Variants in POLR1C observed in about 807,000 individuals in gnomAD.
POLR1C encodes RNA polymerase I and III subunit C.
POLR1C carries 42 observed loss-of-function variants against 38.3 expected under a neutral mutation model. That is an observed-to-expected ratio of 1.10 (90% CI 0.86 to 1.42). POLR1C has a LOEUF of 1.42. POLR1C is among the 40% of genes most tolerant of loss of function. The pLI is 0.00. For synonymous variants in POLR1C, 163 were observed against 163.9 expected (o/e 0.99, Z 0.04); for missense variants, 507 against 450.5 (o/e 1.13, Z -1.14).
intron 10 of POLR1C, among the ~76,000 whole-genome samples, chr6:43,552,082 T>C (rs767559854): frequency 6.6e-6 from 1 of 152,204 alleles, no homozygotes; most frequent in Non-Finnish European, 1.5e-5. Flanking sequence ...TCAGCTACTT[T>C]ATTTATATAT....
chr6:43,555,681 C>T, intron 10 of POLR1C: 1 of 806,728 alleles, frequency 1.2e-6, no homozygotes, highest in Non-Finnish European at 1.8e-6. Flanking sequence ...TTTGTGTCAG[C>T]CAATGAAAAC....
intron 9 of POLR1C, chr6:43,544,144 C>T (rs908396501): frequency 1.5e-4 from 23 of 153,796 alleles, no homozygotes; most frequent in African/African-American, 5.0e-4. Flanking sequence ...TGATAACCAT[C>T]TGAAGACTAA....
intron 9 of POLR1C, among the ~76,000 whole-genome samples, chr6:43,535,338 C>T (rs1422669934): frequency 6.6e-6 from 1 of 151,930 alleles, no homozygotes; most frequent in Non-Finnish European, 1.5e-5. Context: ...GCTTGTAATC[C>T]CAGCACTTTG....
At chr6:43,520,239 T>C (rs2127690221) in intron 5 of POLR1C, 36 bp from the exon 6 acceptor site, 1 of 1,613,854 alleles carries the variant, frequency 6.2e-7, no homozygotes, top group African/African-American at 1.3e-5. Flanking sequence ...CTGCTAGTTT[T>C]AGGGACTGAG....
intron 9 of POLR1C, among the ~76,000 whole-genome samples, chr6:43,543,801 C>A (rs545786808): frequency 6.6e-6 from 1 of 151,918 alleles, no homozygotes; most frequent in Admixed American, 6.6e-5. Context: ...CTCAGCCTCC[C>A]GAGTAGCTGG....
chr6:43,525,274 T>G (rs918134499), downstream of POLR1C: 92 of 1,489,624 alleles, frequency 6.2e-5, no homozygotes, highest in African/African-American at 1.4e-4. Context: ...CTCTGATGAT[T>G]ATTACACATC....
downstream of POLR1C, chr6:43,523,633 C>G (rs746082254): frequency 1.3e-6 from 1 of 770,004 alleles, no homozygotes; most frequent in Non-Finnish European, 2.3e-6. Flanking sequence ...AGAATGGGAA[C>G]TATCTGGGAC....
chr6:43,540,762 G>A (rs975276749), intron 9 of POLR1C, among the ~76,000 whole-genome samples: 2 of 152,202 alleles, frequency 1.3e-5, no homozygotes, highest in African/African-American at 4.8e-5. Context: ...ACAGGCATGA[G>A]CCAACATGCC....
At chr6:43,547,494 C>T in intron 9 of POLR1C, 2 of 887,798 alleles carry the variant, frequency 2.3e-6, no homozygotes. Context: ...GAAGTGGAGA[C>T]TCCCACGTTT....
chr6:43,527,364 C>T (rs543828122), intron 8 of POLR1C: 12 of 284,112 alleles, frequency 4.2e-5, no homozygotes, highest in Non-Finnish European at 6.7e-5. Flanking sequence ...CTCCGCCTCC[C>T]GGGTTCAAGC....
At chr6:43,552,419 T>G (rs1795274922) in intron 10 of POLR1C, among the ~76,000 whole-genome samples, 1 of 147,428 alleles carries the variant, frequency 6.8e-6, no homozygotes, top group Non-Finnish European at 1.5e-5. Flanking sequence ...CTGGCGTGAT[T>G]TTGGCTCACT....
At chr6:43,543,811 G>C (rs1397410430) in intron 9 of POLR1C, among the ~76,000 whole-genome samples, 1 of 151,848 alleles carries the variant, frequency 6.6e-6, no homozygotes, top group Non-Finnish European at 1.5e-5. Flanking sequence ...CGAGTAGCTG[G>C]GATTACAGGC....
chr6:43,532,952 C>T (rs1794075623), downstream of POLR1C, among the ~76,000 whole-genome samples: 1 of 152,122 alleles, frequency 6.6e-6, no homozygotes, highest in Non-Finnish European at 1.5e-5. Flanking sequence ...CGAGACCAGC[C>T]TAGCCAACAT....
At chr6:43,519,511 A>C in intron 3 of POLR1C, 71 bp downstream of exon 3, 1 of 1,358,882 alleles carries the variant, frequency 7.4e-7, no homozygotes, top group South Asian at 1.2e-5. Context: ...TGGAGAATTA[A>C]GTGTCTCAAG....
At chr6:43,524,426 A>C, downstream of POLR1C, 1 of 1,591,824 alleles carries the variant, frequency 6.3e-7, no homozygotes, top group Non-Finnish European at 8.6e-7. Flanking sequence ...CATACACATG[A>C]TTTAAGAAGG....
chr6:43,526,870 G>A (rs570138377), intron 8 of POLR1C: 12 of 933,392 alleles, frequency 1.3e-5, no homozygotes, highest in African/African-American at 8.2e-5. Flanking sequence ...TGGGGGTACC[G>A]TCCAAGGCAC....
chr6:43,533,973 C>G (rs1179947847), downstream of POLR1C: 1 of 1,605,824 alleles, frequency 6.2e-7, no homozygotes, highest in Admixed American at 1.7e-5. Flanking sequence ...GCCATTTTGG[C>G]TAGCATTTCT....
chr6:43,547,659 C>T (rs1795025268), intron 9 of POLR1C: 1 of 1,613,936 alleles, frequency 6.2e-7, no homozygotes, highest in African/African-American at 1.3e-5. Flanking sequence ...CACAGCTCTT[C>T]TGATCTGTAC....
At chr6:43,548,253 T>C in intron 9 of POLR1C, 6 of 1,584,730 alleles carry the variant, frequency 3.8e-6, no homozygotes, top group Non-Finnish European at 5.2e-6. Flanking sequence ...GCAAGGGATC[T>C]CCTTTACCTG....
Sources: gnomAD v4.1 joint callset for allele counts (sites outside exome capture counted in the v4.1 genomes callset) on GRCh38, gnomAD v4.1.1 for gene constraint, MANE v1.5 for transcripts, NCBI Gene and HGNC (gene_info 2026-07-23, HGNC 2026-07-21) for gene names.